Variants in CASP2 observed in about 807,000 individuals in gnomAD.
CASP2 encodes caspase-2.
A neutral mutation model predicts 54.4 loss-of-function variants in CASP2; 38 were observed. The ratio of observed to expected loss-of-function variants is 0.70; its 90% CI spans 0.54 to 0.92. The LOEUF is 0.92. CASP2 is among the 40% of genes least tolerant of loss of function. The probability of loss-of-function intolerance (pLI) is 0.00; values close to 1 mark genes in which losing one functional copy is unlikely to be tolerated. For missense variants in CASP2, 512 were observed against 579.6 expected (o/e 0.88, Z 1.20); for synonymous variants, 215 against 216.3 (o/e 0.99, Z 0.05).
At chr7:143,303,603 C>T in intron 8 of CASP2, 181 bp from the exon 9 acceptor site, 1 of 553,310 alleles carries the variant, frequency 1.8e-6, no homozygotes, top group South Asian at 2.0e-5. Context: ...GTAACAGATG[C>T]ATGCTGAGAG....
At chr7:143,297,834 T>TA (rs1426327338) in intron 6 of CASP2, among the ~76,000 whole-genome samples, 1 of 152,268 alleles carries the variant, frequency 6.6e-6, no homozygotes, top group Non-Finnish European at 1.5e-5. Flanking sequence ...CATTCACAGT[T>TA]ATGTATTCTC....
At chr7:143,304,875 C>T (rs781221572) in intron 10 of CASP2, 65 bp from the exon 11 acceptor site, 1 of 1,612,154 alleles carries the variant, frequency 6.2e-7, no homozygotes, top group Admixed American at 1.7e-5. Context: ...GTCTCCCCTT[C>T]CCGTTTGCTG....
chr7:143,289,716 AGTGAT>A (rs1340807530), intron 1 of CASP2: 8 of 533,842 alleles, frequency 1.5e-5, no homozygotes, highest in African/African-American at 2.1e-5. Flanking sequence ...CGTATTCGAA[AGTGAT>A]TCATTCTTAA....
chr7:143,301,968 G>A (rs1801927665), intron 8 of CASP2: 1 of 152,206 alleles, frequency 6.6e-6, no homozygotes, highest in African/African-American at 2.4e-5. Flanking sequence ...AAGGAAAGAG[G>A]TTATGGGTCA....
chr7:143,292,057 T>C (rs1036137613), intron 2 of CASP2, among the ~76,000 whole-genome samples: 1 of 151,920 alleles, frequency 6.6e-6, no homozygotes, highest in African/African-American at 2.4e-5. Context: ...GGATTACAGG[T>C]GTGAGCCACC....
In CASP2 at chr7:143,300,043, C is replaced by G. The variant is rs1418196919; in HGVS notation, c.868C>G (p.Leu290Val). The G allele has an allele frequency of 1.2e-6, 2 of 1,614,160 alleles. No homozygotes were observed. The highest frequency in any genetic ancestry group is 1.7e-5 in the Admixed American group (1 of 60,016). Residue 290 changes from leucine to valine, a missense_variant, in exon 7 of 11, where the codon CTG (leucine) becomes GTG (valine). Around this residue, in one of 3 missense-constraint regions of CASP2, gnomAD observed 417 missense variants for 495.4 expected, o/e 0.84. Transcript: ENST00000310447. ...EGAIYGVDGKLLQLQEVFQLF... is the reference protein window; with the variant it reads ...EGAIYGVDGKVLQLQEVFQLF... ...CGCCATCTATGGTGTGGATGGGAAA[C>G]TGCTCCAGGTGCGGATACCCTGGTG...
intron 2 of CASP2, 119 bp from the exon 3 acceptor site, chr7:143,292,181 A>G (rs984754149): frequency 1.4e-5 from 14 of 975,224 alleles, no homozygotes; most frequent in Non-Finnish European, 2.1e-5. Context: ...TCACCCATAC[A>G]TACACTTTTC....
intron 10 of CASP2, 74 bp downstream of exon 10, chr7:143,304,857 C>A: frequency 6.2e-7 from 1 of 1,608,364 alleles, no homozygotes; most frequent in Non-Finnish European, 8.5e-7. Context: ...AATGCTCTTT[C>A]ATAGTCCGTC....
intron 2 of CASP2, 77 bp downstream of exon 2, chr7:143,291,767 C>CGT: frequency 1.5e-6 from 1 of 645,260 alleles, no homozygotes; most frequent in Non-Finnish European, 2.6e-6. Context: ...GAAAGGGTGT[C>CGT]GTATCTTTCT....
chr7:143,296,751 C>T (rs557068676), intron 6 of CASP2, among the ~76,000 whole-genome samples: 2 of 151,752 alleles, frequency 1.3e-5, no homozygotes, highest in African/African-American at 2.4e-5. Context: ...AAAAAAAGAT[C>T]CTTTTTTCTT....
intron 6 of CASP2, among the ~76,000 whole-genome samples, chr7:143,295,446 T>C (rs995060722): frequency 6.6e-6 from 1 of 152,252 alleles, no homozygotes; most frequent in Non-Finnish European, 1.5e-5. Flanking sequence ...CCTCAGTTAC[T>C]GTACTGCACA....
intron 3 of CASP2, 66 bp from the exon 4 acceptor site, chr7:143,292,551 A>T: frequency 6.2e-7 from 1 of 1,603,822 alleles, no homozygotes; most frequent in Non-Finnish European, 8.5e-7. Flanking sequence ...GGGAGACTAG[A>T]TTTTGTTGTA....
At chr7:143,299,732 A>G (rs770916862) in intron 6 of CASP2, among the ~76,000 whole-genome samples, 191 bp from the exon 7 acceptor site, 14 of 152,176 alleles carry the variant, frequency 9.2e-5, no homozygotes, top group Non-Finnish European at 1.6e-4. Flanking sequence ...GTCTGAACTC[A>G]TATGCATTTT....
chr7:143,294,839 A>G (rs1233108282), intron 6 of CASP2, 66 bp downstream of exon 6: 14 of 1,395,480 alleles, frequency 1.0e-5, no homozygotes, highest in Admixed American at 3.8e-5. Flanking sequence ...GACCAGAGAC[A>G]TCGTTTGTTC....
At chr7:143,300,671 T>A (rs893524127) in intron 8 of CASP2, 1 of 1,230,004 alleles carries the variant, frequency 8.1e-7, no homozygotes, top group African/African-American at 1.6e-5. Flanking sequence ...CTGTCCTTCT[T>A]ATTTTATCTC....
Position 143,300,218 on chromosome 7 carries a change from T to G in CASP2, c.891T>G (p.Phe297Leu). 6.2e-7 allele frequency: 1 copy of G among 1,614,160 alleles called. No homozygotes were observed. The highest frequency in any genetic ancestry group is 8.5e-7 in the Non-Finnish European group (1 of 1,180,020). Reference protein sequence around the residue: ...DGKLLQLQEVFQLFDNANCPS... With the variant: ...DGKLLQLQEVLQLFDNANCPS... ...CTTTCTGGCAGCTCCAAGAGGTTTT[T>G]CAGCTCTTTGACAACGCCAACTGCC... Residue 297 changes from phenylalanine to leucine, a missense_variant, in exon 8 of 11, where the codon TTT becomes TTG. Transcript: ENST00000310447.
intron 1 of CASP2, among the ~76,000 whole-genome samples, chr7:143,289,019 A>T (rs927848161): frequency 2.6e-5 from 4 of 152,234 alleles, no homozygotes; most frequent in Non-Finnish European, 5.9e-5. Flanking sequence ...CAAAGAAGTC[A>T]ATACAGGGTT....
At chr7:143,303,248 C>T (rs1801970269) in intron 8 of CASP2, 1 of 152,198 alleles carries the variant, frequency 6.6e-6, no homozygotes, top group Non-Finnish European at 1.5e-5. Context: ...TTGGAAACAA[C>T]TGATCATACT....
At position 143,303,950 on chromosome 7, in the gene CASP2, A is replaced by C; in HGVS notation, c.1117+17A>C. The C allele has an allele frequency of 6.4e-7, 1 of 1,567,760 alleles. No homozygotes were observed. On this transcript the variant is annotated intron_variant, in intron 9 of 10. Coordinates refer to ENST00000310447, the MANE Select transcript of CASP2 (RefSeq NM_032982.4). ...GCCTCAAAGGTACTTTGAGTTCCAA[A>C]AGAGTTGAGTCATACCTCATTTTGT...
Sources: allele counts gnomAD v4.1 joint callset (sites outside exome capture counted in the v4.1 genomes callset), GRCh38; gene constraint gnomAD v4.1.1; regional missense constraint gnomAD v4.1.1; transcripts MANE v1.5; gene names NCBI Gene and HGNC (gene_info 2026-07-23, HGNC 2026-07-21).